THADA: variants seen among roughly 807,000 people sequenced by gnomAD.
THADA encodes the protein THADA armadillo repeat containing.
Under a neutral mutation model 219.8 loss-of-function variants are expected in THADA, and 213 were observed. That is an observed-to-expected ratio of 0.97 (90% CI 0.87 to 1.09). THADA has a LOEUF of 1.09. THADA is among the 50% of genes least tolerant of loss of function. The pLI, the probability that THADA is intolerant of heterozygous loss-of-function variation, is 0.00. For missense variants in THADA, 2,956 were observed against 2,311.3 expected, an observed-to-expected ratio of 1.28 and a Z score of -5.72; for synonymous variants, 1,018 against 828.9, an observed-to-expected ratio of 1.23 and a Z score of -3.92.
chr2:43,454,106 A>C (rs1682695028), intron 26 of THADA, among the ~76,000 whole-genome samples: 1 of 152,156 alleles, frequency 6.6e-6, no homozygotes, highest in African/African-American at 2.4e-5. Context: ...CTGGCCTCAA[A>C]CAATCCTCCT....
intron 25 of THADA, among the ~76,000 whole-genome samples, chr2:43,497,275 T>A (rs1471856063): frequency 6.6e-6 from 1 of 152,120 alleles, no homozygotes; most frequent in Non-Finnish European, 1.5e-5. Flanking sequence ...AGCAAAGACA[T>A]GGACCCAAAC....
intron 26 of THADA, among the ~76,000 whole-genome samples, chr2:43,438,642 G>T (rs1376586263): frequency 6.6e-6 from 1 of 152,098 alleles, no homozygotes; most frequent in Non-Finnish European, 1.5e-5. Flanking sequence ...GAGCTTTAAA[G>T]AATAATACAA....
chr2:43,448,160 C>A (rs1281629534), intron 26 of THADA, among the ~76,000 whole-genome samples: 1 of 152,192 alleles, frequency 6.6e-6, no homozygotes, highest in Non-Finnish European at 1.5e-5. Flanking sequence ...GCACTAGGAA[C>A]CTGTGTTCTC....
chr2:43,249,646 G>A (rs1295163470), intron 36 of THADA, among the ~76,000 whole-genome samples: 4 of 152,200 alleles, frequency 2.6e-5, no homozygotes, highest in Admixed American at 2.6e-4. Flanking sequence ...CTCATCACTA[G>A]TGGATTGGCT....
In THADA at chr2:43,420,388, G is replaced by C. The variant is rs143003053; in HGVS notation, c.4058+7712C>G. Among the ~76,000 whole-genome samples the C allele has an allele frequency of 4.2e-3, 633 of 152,280 alleles. 7 individuals are homozygous for C. Among genetic ancestry groups the C allele is most frequent in the African/African-American group, 0.014 (586 of 41,550 alleles). On this transcript the variant is annotated intron_variant, in intron 28 of 37. Transcript: ENST00000405975. ...CTTACCCAAGACCTAACACTAGCTA[G>C]GTACACAATGAATGTTTAACAAATA...
rs1470322617 is a variant in THADA, at chr2:43,560,360, C to T, written c.2337G>A (p.Leu779=). ...PEGRIYTVYQ[L]SHDIDVGRFQ... is the part of the protein sequence containing the mutation. Reference sequence around the variant, plus strand: ...AACGACCAACATCAATATCATGACTCAGCTGATATACTGTATAAATTCTGC... The same window carrying T: ...AACGACCAACATCAATATCATGACTTAGCTGATATACTGTATAAATTCTGC... Residue 779 remains leucine, a synonymous_variant, in exon 16 of 38, where the codon CTG becomes CTA. Transcript: ENST00000405975. The T allele has an allele frequency of 6.2e-7, 1 of 1,609,784 alleles. No individual in the cohort carries two copies. The highest frequency in any genetic ancestry group is 8.5e-7 in the Non-Finnish European group (1 of 1,177,630).
intron 4 of THADA, among the ~76,000 whole-genome samples, chr2:43,587,618 G>A (rs542763497): frequency 5.3e-5 from 8 of 152,128 alleles, no homozygotes; most frequent in Non-Finnish European, 1.2e-4. Context: ...TCTGAGCAAA[G>A]CTATATGAAG....
At chr2:43,544,880 C>G (rs1197873763) in intron 20 of THADA, among the ~76,000 whole-genome samples, 1 of 149,708 alleles carries the variant, frequency 6.7e-6, no homozygotes, top group Non-Finnish European at 1.5e-5. Flanking sequence ...CTTCTCCTGC[C>G]TAATTGCCCT....
chr2:43,401,939 G>GT lies in THADA; in HGVS notation c.4059-3801dup, dbSNP rs527363037. ...ATTTCTAAATGAGTGGTTTTTTGTT[G>GT]TTTTTTTTTTTAAAAAAAATTTTAA... is the stretch of plus-strand genomic sequence containing the variant. On this transcript the variant is annotated intron_variant, in intron 28 of 37. Transcript: ENST00000405975. 4.5e-3 allele frequency among the ~76,000 whole-genome samples: 627 copies of GT among 139,538 alleles called. 3 individuals are homozygous for GT. Among genetic ancestry groups the GT allele is most frequent in the South Asian group, 9.0e-3 (39 of 4,336 alleles). 91.5% of individuals were successfully genotyped at this position (139,538 alleles called of 152,430 possible). A position where few individuals can be genotyped will look rare whatever the true frequency, so the allele number is the denominator to read the frequency against.
chr2:43,595,233 C>A (rs552004327), intron 1 of THADA, among the ~76,000 whole-genome samples: 1 of 152,286 alleles, frequency 6.6e-6, no homozygotes, highest in Admixed American at 6.5e-5. Context: ...TCTTAAGAAC[C>A]TATGGTCTGT....
intron 30 of THADA, among the ~76,000 whole-genome samples, chr2:43,331,087 ACC>A (rs983537012): frequency 5.3e-5 from 8 of 152,122 alleles, no homozygotes. Flanking sequence ...CCGGGCCCCC[ACC>A]CCAGTTTAGA....
intron 12 of THADA, among the ~76,000 whole-genome samples, chr2:43,572,114 G>A (rs1004807716): frequency 6.6e-6 from 1 of 152,088 alleles, no homozygotes; most frequent in African/African-American, 2.4e-5. Context: ...GTAATGCTCA[G>A]CTTCATTCCT....
intron 8 of THADA, among the ~76,000 whole-genome samples, chr2:43,579,081 C>T (rs1163465507): frequency 1.3e-5 from 2 of 152,136 alleles, no homozygotes. Context: ...CCGCCTGCCT[C>T]GGCCTCCCAA....
intron 15 of THADA, among the ~76,000 whole-genome samples, chr2:43,560,961 G>A (rs1173688085): frequency 6.7e-6 from 1 of 149,216 alleles, no homozygotes; most frequent in Non-Finnish European, 1.5e-5. Flanking sequence ...AGATTGCAGT[G>A]AGCTGAGCTC....
chr2:43,276,218 G>C (rs1376213755), intron 36 of THADA, among the ~76,000 whole-genome samples: 3 of 152,170 alleles, frequency 2.0e-5, no homozygotes, highest in Non-Finnish European at 4.4e-5. Flanking sequence ...GATTGGTACA[G>C]AGTGGGGAGG....
intron 23 of THADA, among the ~76,000 whole-genome samples, chr2:43,506,349 T>C (rs1036053431): frequency 1.3e-5 from 2 of 152,202 alleles, no homozygotes; most frequent in East Asian, 3.8e-4. Context: ...ACTTTGCCGA[T>C]GTCCAATAAA....
chr2:43,441,967 A>T (rs1680895009), intron 26 of THADA, among the ~76,000 whole-genome samples: 1 of 152,240 alleles, frequency 6.6e-6, no homozygotes. Flanking sequence ...AAAGAGAGTC[A>T]GTGCTCTTGG....
intron 13 of THADA, among the ~76,000 whole-genome samples, chr2:43,570,951 T>C (rs1699224467): frequency 2.0e-5 from 3 of 152,230 alleles, no homozygotes; most frequent in Admixed American, 2.0e-4. Context: ...GTTGATTTAC[T>C]ACACCAAAAT....
At chr2:43,318,900 A>G (rs1678385958) in intron 31 of THADA, among the ~76,000 whole-genome samples, 1 of 152,220 alleles carries the variant, frequency 6.6e-6, no homozygotes, top group Non-Finnish European at 1.5e-5. Context: ...ATTTTACAAC[A>G]TATAAGGATT....
Sources: allele counts gnomAD v4.1 joint callset (sites outside exome capture counted in the v4.1 genomes callset), GRCh38; gene constraint gnomAD v4.1.1; transcripts MANE v1.5; gene names NCBI Gene and HGNC (gene_info 2026-07-23, HGNC 2026-07-21).